Variants in MIGA2 observed in about 807,000 individuals in gnomAD.
The protein encoded by MIGA2 is family with sequence similarity 73, member B.
A neutral mutation model predicts 69.9 loss-of-function variants in MIGA2; 36 were observed. The observed-to-expected ratio is 0.52, with a 90% CI of 0.39 to 0.68. The LOEUF (loss-of-function observed/expected upper bound fraction) is 0.68. MIGA2 is among the 30% of genes least tolerant of loss of function. MIGA2 has a pLI of 0.00. For synonymous variants in MIGA2, 333 were observed against 349.2 expected, an observed-to-expected ratio of 0.95 and a Z score of 0.52; for missense variants, 660 against 787.7, an observed-to-expected ratio of 0.84 and a Z score of 1.94.
At chr9:129,062,839 G>T (rs1361063614) in intron 9 of MIGA2, among the ~76,000 whole-genome samples, 1 of 150,790 alleles carries the variant, frequency 6.6e-6, no homozygotes, top group African/African-American at 2.4e-5. Flanking sequence ...ACGAGACTCC[G>T]TCTAAAAAAA....
At chr9:129,063,695 C>T (rs1225076820) in intron 11 of MIGA2, 64 bp downstream of exon 11, 2 of 1,544,298 alleles carry the variant, frequency 1.3e-6, no homozygotes, top group Non-Finnish European at 1.8e-6. Flanking sequence ...CCCCCTGAAC[C>T]CCACCTGCCA....
Position 129,059,701 on chromosome 9 carries a change from G to A in MIGA2, c.793+430G>A, listed in dbSNP as rs1845964289. ...AAGTTCCTGTTGTTGGGTGCGCTGA[G>A]GTGAAATGATGTGACATACTGAGGG... On this transcript the variant is annotated intron_variant, in intron 7 of 15. Transcript: ENST00000684074. This position sits in a 1 kb window ranked among gnomAD's most constrained non-coding sequence, Gnocchi z 5.6. 6.6e-6 allele frequency among the ~76,000 whole-genome samples: 1 copy of A among 152,202 alleles called. No homozygotes were observed. Among genetic ancestry groups the A allele is most frequent in the Non-Finnish European group, 1.5e-5 (1 of 68,030 alleles).
intron 9 of MIGA2, among the ~76,000 whole-genome samples, chr9:129,062,842 TAA>T (rs547124198): frequency 2.8e-5 from 4 of 141,752 alleles, no homozygotes; most frequent in African/African-American, 2.6e-5. Context: ...AGACTCCGTC[TAA>T]AAAAAAAAAA....
Position 129,070,347 on chromosome 9 carries a change from G to A in MIGA2, c.1676G>A (p.Arg559His), listed in dbSNP as rs769540313. 1.3e-5 allele frequency: 21 copies of A among 1,612,938 alleles called. No individual in the cohort carries two copies. Among genetic ancestry groups the A allele is most frequent in the Admixed American group, 3.3e-5 (2 of 60,002 alleles). Residue 559 changes from arginine (R) to histidine (H), a missense_variant, in exon 16 of 16, where the codon CGC (arginine) becomes CAC (histidine). Physicochemically the swap from Arg to His is conservative, Grantham distance 29. Around this residue, in one of 3 missense-constraint regions of MIGA2, gnomAD observed 220 missense variants for 301.7 expected, o/e 0.73. Coordinates refer to ENST00000684074, the MANE Select transcript of MIGA2 (RefSeq NM_001329990.2). The stretch of plus-strand genomic sequence containing the variant: ...GACGACATCCTGCAGCTGTCCCGGC[G>A]CCGCAGCGAGATATTGCTGGGGTAC... ...LADDILQLSR[R>H]RSEILLGYLG... is the part of the protein sequence containing the mutation.
In MIGA2 at chr9:129,069,716, C is replaced by A; in HGVS notation, c.1459-133C>A. 1.3e-6 allele frequency: 1 copy of A among 744,798 alleles called. No homozygotes were observed. Among genetic ancestry groups the A allele is most frequent in the Non-Finnish European group, 2.4e-6 (1 of 411,318 alleles). The allele number at this position is 744,798 out of a possible 1,614,324, so 46.1% of individuals were successfully genotyped here. On this transcript the variant is annotated intron_variant, in intron 14 of 15. Transcript: ENST00000684074. This position sits in a 1 kb window ranked among gnomAD's most constrained non-coding sequence, Gnocchi z 4.9. ...TGGGCTTCGAAAGCTTGAGTCACTG[C>A]CCAGGGTCATCTAGCAGGAAAGTAC... is the stretch of plus-strand genomic sequence containing the variant.
Position 129,059,766 on chromosome 9 carries a change from G to A in MIGA2, c.793+495G>A, listed in dbSNP as rs903684699. On this transcript the variant is annotated intron_variant, in intron 7 of 15. Transcript: ENST00000684074. The surrounding 1 kb of genome is among the most constrained non-coding windows in gnomAD (Gnocchi z 5.6). ...CTGCCAAACAGCCACTGTCCTCTTCGGACCCCTGCAGTGAATGACACCCTG... is the reference window on the plus strand; with the variant it reads ...CTGCCAAACAGCCACTGTCCTCTTCAGACCCCTGCAGTGAATGACACCCTG... Among the ~76,000 whole-genome samples, 2 of 152,120 alleles carry A rather than the reference G, an allele frequency of 1.3e-5. No homozygotes were observed. The highest frequency in any genetic ancestry group is 2.1e-4 in the South Asian group (1 of 4,826).
At chr9:129,063,762 C>T in intron 11 of MIGA2, 131 bp downstream of exon 11, 1 of 806,746 alleles carries the variant, frequency 1.2e-6, no homozygotes, top group Non-Finnish European at 2.0e-6. Flanking sequence ...TCTGTAGACT[C>T]TGCAACCGTG....
chr9:129,063,956 C>A (rs1846203572), intron 11 of MIGA2, among the ~76,000 whole-genome samples: 1 of 152,180 alleles, frequency 6.6e-6, no homozygotes, highest in Admixed American at 6.5e-5. Context: ...TGGAGGAACA[C>A]CTGGGCTGTC....
Position 129,068,302 on chromosome 9 carries a change from C to T in MIGA2, c.1374C>T (p.Asn458=), listed in dbSNP as rs1846479175. ...PPASVLAVLR[N]RWLSDSFKET... ...CCTCGGTGCTCGCCGTCCTGCGGAA[C>T]CGCTGGCTGTCAGACAGCTTCAAGG... Residue 458 remains asparagine, a synonymous_variant, in exon 13 of 16, where the codon AAC becomes AAT. Coordinates refer to ENST00000684074, the MANE Select transcript of MIGA2 (RefSeq NM_001329990.2). This position sits in a 1 kb window ranked among gnomAD's most constrained non-coding sequence, Gnocchi z 4.1. 6.2e-7 allele frequency: 1 copy of T among 1,608,890 alleles called. No homozygotes were observed. Among genetic ancestry groups the T allele is most frequent in the Non-Finnish European group, 8.5e-7 (1 of 1,178,744 alleles).
intron 3 of MIGA2, 115 bp downstream of exon 3, chr9:129,042,629 C>T: frequency 9.4e-7 from 1 of 1,063,402 alleles, no homozygotes; most frequent in Non-Finnish European, 1.4e-6. Context: ...GTCTCAGAGC[C>T]AAGGTCTCCT....
Position 129,070,372 on chromosome 9 carries a change from C to A in MIGA2, c.1701C>A (p.Tyr567Ter). 4.3e-6 allele frequency: 7 copies of A among 1,612,652 alleles called. No homozygotes were observed. Among genetic ancestry groups the A allele is most frequent in the Non-Finnish European group, 5.9e-6 (7 of 1,179,840 alleles). ...SRRRSEILLGYLGVPAASSAG... is the reference protein window; with the variant it reads ...SRRRSEILLG ...GCCGCAGCGAGATATTGCTGGGGTA[C>A]CTGGGGGTGCCCGCGGCCAGCAGCG... The change falls in exon 16 of 16, where the codon TAC becomes TAA. Residue 567 changes from tyrosine to a stop codon, truncating the protein, a stop_gained. Transcript: ENST00000684074. LOFTEE classifies it high-confidence loss of function.
chr9:129,050,958 C>T (rs1204264031), intron 6 of MIGA2, among the ~76,000 whole-genome samples: 1 of 151,936 alleles, frequency 6.6e-6, no homozygotes, highest in Non-Finnish European at 1.5e-5. Flanking sequence ...ACTGCAACCT[C>T]CGCCTCCCGG....
In MIGA2 at chr9:129,048,947, G is replaced by T. The variant is rs186388360; in HGVS notation, c.420+408G>T. On this transcript the variant is annotated intron_variant, in intron 4 of 15. Transcript: ENST00000684074. The stretch of plus-strand genomic sequence containing the variant: ...CCAGCAAGCAGAGTCCCAGCTATGA[G>T]CCAGGCTGGCACAGGGGCAAGCAAG... Among the ~76,000 whole-genome samples the T allele has an allele frequency of 5.3e-5, 8 of 152,292 alleles. No homozygotes were observed. The East Asian group carries it at 1.5e-3, about 29-fold the overall frequency.
At chr9:129,049,262 G>A (rs1011986529) in intron 4 of MIGA2, 119 bp from the exon 5 acceptor site, 16 of 919,034 alleles carry the variant, frequency 1.7e-5, no homozygotes, top group African/African-American at 6.5e-5. Flanking sequence ...AACAAGCTCA[G>A]GGATGGCATT....
chr9:129,068,187 A>G lies in MIGA2; in HGVS notation c.1270-11A>G. The G allele has an allele frequency of 1.2e-6, 2 of 1,613,416 alleles. No individual in the cohort carries two copies. Among genetic ancestry groups the G allele is most frequent in the Non-Finnish European group, 1.7e-6 (2 of 1,179,930 alleles). ...CCCCATGCATGAGCCTCCCGGGGGCACCCTCTGTAGGTGGTATGCATGAGC... is the reference window on the plus strand; with the variant it reads ...CCCCATGCATGAGCCTCCCGGGGGCGCCCTCTGTAGGTGGTATGCATGAGC... On this transcript the variant is annotated splice_polypyrimidine_tract_variant and intron_variant, in intron 12 of 15. Transcript: ENST00000684074. This position sits in a 1 kb window ranked among gnomAD's most constrained non-coding sequence, Gnocchi z 4.1.
chr9:129,043,384 CTTT>C (rs60096838), intron 3 of MIGA2, among the ~76,000 whole-genome samples: 3 of 128,324 alleles, frequency 2.3e-5, no homozygotes, highest in East Asian at 2.2e-4. Flanking sequence ...TCTGTTCTCT[CTTT>C]TTTTTTTTTT....
intron 11 of MIGA2, among the ~76,000 whole-genome samples, chr9:129,065,008 C>G (rs944320682): frequency 1.3e-5 from 2 of 152,028 alleles, no homozygotes; most frequent in African/African-American, 4.8e-5. Context: ...ATCTCAAACT[C>G]CTGACCTCAG....
In MIGA2 at chr9:129,070,825, C is replaced by T. The variant is rs555376558; in HGVS notation, c.*372C>T. ...GGGCCTAGAGCCCTGTGGTGAAGGT[C>T]ACAGTGTCCTGAGCTAGAAGCCACC... On this transcript the variant is annotated 3_prime_UTR_variant, in exon 16 of 16. Coordinates refer to ENST00000684074, the MANE Select transcript of MIGA2 (RefSeq NM_001329990.2). 14 of 243,230 alleles carry T rather than the reference C, an allele frequency of 5.8e-5. No homozygotes were observed. In the South Asian group the frequency reaches 1.5e-3, roughly 26 times the overall value. The allele number at this position is 243,230 out of a possible 1,614,324, so 15.1% of individuals were successfully genotyped here. A position where few individuals can be genotyped will look rare whatever the true frequency, so the allele number is the denominator to read the frequency against.
chr9:129,063,295 C>A lies in MIGA2; in HGVS notation c.1062C>A (p.His354Gln). The change falls in exon 10 of 16, where the codon CAC (histidine) becomes CAA (glutamine). Residue 354 changes from histidine to glutamine, a missense_variant. His to Gln is a conservative substitution (Grantham distance 24). Transcript: ENST00000684074. ...ACCAGGACTTTCTGGCCAAGCTGCA[C>A]TGTGTGCGGCAGGCCTTCGAGGTGG... is the stretch of plus-strand genomic sequence containing the variant. ...YSDQDFLAKL[H>Q]CVRQAFEGLL... The A allele has an allele frequency of 6.2e-7, 1 of 1,614,118 alleles. No homozygotes were observed. The highest frequency in any genetic ancestry group is 8.5e-7 in the Non-Finnish European group (1 of 1,180,028).
Sources: allele counts gnomAD v4.1 joint callset (sites outside exome capture counted in the v4.1 genomes callset), GRCh38; gene constraint gnomAD v4.1.1; regional missense constraint gnomAD v4.1.1; non-coding constraint Gnocchi (gnomAD v3.1); transcripts MANE v1.5; gene names NCBI Gene and HGNC (gene_info 2026-07-23, HGNC 2026-07-21).